ADAMTS16: variants seen among roughly 807,000 people sequenced by gnomAD.
ADAMTS16 encodes A disintegrin and metalloproteinase with thrombospondin motifs 16.
ADAMTS16 carries 94 observed loss-of-function variants against 145.8 expected under a neutral mutation model. The observed-to-expected ratio is 0.64, with a 90% CI of 0.55 to 0.77. The LOEUF (loss-of-function observed/expected upper bound fraction) is 0.77, where lower values mean the gene tolerates loss of function less well. Among genes scored for constraint, ADAMTS16 ranks in the 30% least tolerant of loss-of-function variants. The probability of loss-of-function intolerance (pLI) is 0.00; values close to 1 mark genes in which losing one functional copy is unlikely to be tolerated. For synonymous variants in ADAMTS16, 659 were observed against 604.3 expected (o/e 1.09, Z -1.33); for missense variants, 1,585 against 1,591.5 (o/e 1.00, Z 0.07).
intron 11 of ADAMTS16, among the ~76,000 whole-genome samples, chr5:5,231,615 C>A (rs553794788): frequency 6.6e-5 from 10 of 152,292 alleles, no homozygotes; most frequent in Admixed American, 3.9e-4. Flanking sequence ...CCTTTAAAAT[C>A]TTAGAAGTTC....
At chr5:5,218,099 A>G (rs1736486288) in intron 10 of ADAMTS16, among the ~76,000 whole-genome samples, 1 of 152,248 alleles carries the variant, frequency 6.6e-6, no homozygotes, top group Non-Finnish European at 1.5e-5. Context: ...ATAATGACCT[A>G]CAACAATAGT....
rs775272184 is a variant in ADAMTS16, at chr5:5,303,699, A to T, written c.3119A>T (p.Glu1040Val). ...TCCGAGCCCAAGCCCAGGATGCATG[A>T]AGCCTGTCTGCTTCAGCGCTGCCAC... The part of the protein sequence containing the change: ...CTSEPKPRMH[E>V]ACLLQRCHKP... Residue 1040 changes from glutamate (E) to valine (V), a missense_variant, in exon 20 of 23, where the codon GAA (glutamate) becomes GTA (valine). Coordinates refer to ENST00000274181, the MANE Select transcript of ADAMTS16 (RefSeq NM_139056.4). The T allele has an allele frequency of 1.2e-6, 2 of 1,613,558 alleles. No individual in the cohort carries two copies. The highest frequency in any genetic ancestry group is 1.3e-5 in the African/African-American group (1 of 74,922).
intron 10 of ADAMTS16, among the ~76,000 whole-genome samples, chr5:5,222,365 A>G (rs1275046097): frequency 6.6e-6 from 1 of 150,462 alleles, no homozygotes; most frequent in East Asian, 2.0e-4. Context: ...GGACAAGTGA[A>G]CAAGCATCCT....
At chr5:5,243,343 T>A (rs1737353738) in intron 17 of ADAMTS16, among the ~76,000 whole-genome samples, 1 of 152,212 alleles carries the variant, frequency 6.6e-6, no homozygotes, top group African/African-American at 2.4e-5. Context: ...GCTCTAATAG[T>A]GACCAGAGAG....
chr5:5,257,082 A>G (rs1445069056), intron 17 of ADAMTS16, among the ~76,000 whole-genome samples: 1 of 152,180 alleles, frequency 6.6e-6, no homozygotes, highest in Non-Finnish European at 1.5e-5. Context: ...TTCTAATTTA[A>G]TAGTCTCTCA....
chr5:5,303,612 T>C lies in ADAMTS16; in HGVS notation c.3032T>C (p.Val1011Ala), dbSNP rs1395528366. ...GGGAAGGGGTGGAGGAAGCGGGCAG[T>C]GGCCTGTAAGAGCACCAACCCCTCG... ...TCGKGWRKRA[V>A]ACKSTNPSAR... Residue 1011 changes from valine (V) to alanine (A), a missense_variant, in exon 20 of 23, where the codon GTG becomes GCG. Transcript: ENST00000274181. 3 of 1,614,012 alleles carry C rather than the reference T, an allele frequency of 1.9e-6. No homozygotes were observed. The highest frequency in any genetic ancestry group is 3.3e-5 in the Admixed American group (2 of 60,004).
At chr5:5,240,040 T>G in intron 16 of ADAMTS16, 115 bp downstream of exon 16, 1 of 1,476,000 alleles carries the variant, frequency 6.8e-7, no homozygotes, top group South Asian at 1.3e-5. Flanking sequence ...ATAAAAAGAG[T>G]GATCCATCCA....
chr5:5,221,992 A>G (rs1222620392), intron 10 of ADAMTS16, among the ~76,000 whole-genome samples: 2 of 152,240 alleles, frequency 1.3e-5, no homozygotes, highest in Non-Finnish European at 2.9e-5. Context: ...TGTTTTCAGC[A>G]TGTCCAGTTG....
At chr5:5,224,740 T>G (rs1355517193) in intron 11 of ADAMTS16, among the ~76,000 whole-genome samples, 1 of 152,198 alleles carries the variant, frequency 6.6e-6, no homozygotes, top group Non-Finnish European at 1.5e-5. Context: ...ATTATTCAGG[T>G]GATCATTTGC....
chr5:5,290,377 G>T (rs558597809), intron 18 of ADAMTS16, among the ~76,000 whole-genome samples: 1 of 152,314 alleles, frequency 6.6e-6, no homozygotes, highest in South Asian at 2.1e-4. Context: ...TGCCTAGGCC[G>T]GGCGTGGTGG....
intron 3 of ADAMTS16, among the ~76,000 whole-genome samples, chr5:5,164,739 C>T (rs368944122): frequency 7.0e-4 from 106 of 152,236 alleles, no homozygotes; most frequent in African/African-American, 2.1e-3. Context: ...TGCAGTGGCA[C>T]GATCTCAGCT....
chr5:5,240,854 T>C (rs572976239), intron 16 of ADAMTS16, among the ~76,000 whole-genome samples: 3 of 152,320 alleles, frequency 2.0e-5, no homozygotes, highest in Non-Finnish European at 1.5e-5. Context: ...TTGATCAATT[T>C]ATCTTGAATT....
intron 3 of ADAMTS16, among the ~76,000 whole-genome samples, chr5:5,173,848 A>C (rs2126546699): frequency 6.6e-6 from 1 of 152,108 alleles, no homozygotes; most frequent in South Asian, 2.1e-4. Flanking sequence ...CTGTGCTTTA[A>C]CTTTGTCCTC....
intron 3 of ADAMTS16, among the ~76,000 whole-genome samples, chr5:5,179,035 A>C (rs2126555210): frequency 6.6e-6 from 1 of 151,748 alleles, no homozygotes; most frequent in Admixed American, 6.6e-5. Flanking sequence ...AATATTTTAC[A>C]TCCTTCGTTT....
intron 21 of ADAMTS16, among the ~76,000 whole-genome samples, chr5:5,308,527 C>A (rs1426370446): frequency 2.6e-5 from 4 of 152,162 alleles, no homozygotes; most frequent in African/African-American, 9.7e-5. Context: ...GGAGCACCCT[C>A]CCAGGGAGCA....
At chr5:5,308,378 G>A (rs1269211451) in intron 21 of ADAMTS16, among the ~76,000 whole-genome samples, 5 of 152,180 alleles carry the variant, frequency 3.3e-5, no homozygotes, top group East Asian at 1.9e-4. Flanking sequence ...AGAGAAGTCC[G>A]TGCTTGGCCT....
chr5:5,194,359 T>A (rs1378244088), intron 8 of ADAMTS16, among the ~76,000 whole-genome samples: 2 of 152,206 alleles, frequency 1.3e-5, no homozygotes, highest in African/African-American at 2.4e-5. Flanking sequence ...ATAATAGTAG[T>A]GTCTGCTCTT....
chr5:5,219,156 A>T (rs1273441019), intron 10 of ADAMTS16, among the ~76,000 whole-genome samples: 1 of 151,862 alleles, frequency 6.6e-6, no homozygotes, highest in Non-Finnish European at 1.5e-5. Context: ...TCCCATATCA[A>T]TACAGGCGTA....
rs143662573 is a variant in ADAMTS16, at chr5:5,303,442, T to C, written c.2964T>C (p.Pro988=). ...CCTGCAACTCTCAGAGCTGCCCACC[T>C]GCATGGAGCGCCGGGCCCTGGGCAG... The part of the protein sequence containing the change: ...RQACNSQSCP[P]AWSAGPWAEC... The change falls in exon 19 of 23, where the codon CCT becomes CCC. Residue 988 remains proline, a synonymous_variant. Transcript: ENST00000274181. 596 of 1,611,244 alleles carry C rather than the reference T, an allele frequency of 3.7e-4. No homozygotes were observed. The highest frequency in any genetic ancestry group is 8.3e-4 in the Middle Eastern group (5 of 6,042).
Sources: allele counts gnomAD v4.1 joint callset (sites outside exome capture counted in the v4.1 genomes callset), GRCh38; gene constraint gnomAD v4.1.1; transcripts MANE v1.5; gene names NCBI Gene and HGNC (gene_info 2026-07-23, HGNC 2026-07-21).